Variants in CALN1 observed in about 807,000 individuals in gnomAD.
CALN1 encodes calcium-binding protein 8.
A neutral mutation model predicts 30.6 loss-of-function variants in CALN1; 17 were observed. That is an observed-to-expected ratio of 0.56 (90% CI 0.38 to 0.83). The LOEUF is 0.83. CALN1 is among the 40% of genes least tolerant of loss of function. CALN1 has a pLI of 0.00. For synonymous variants in CALN1, 156 were observed against 131.4 expected, an observed-to-expected ratio of 1.19 and a Z score of -1.28; for missense variants, 291 against 354.9, an observed-to-expected ratio of 0.82 and a Z score of 1.45.
At chr7:71,903,917 A>T (rs754248520) in intron 5 of CALN1, among the ~76,000 whole-genome samples, 5 of 152,192 alleles carry the variant, frequency 3.3e-5, no homozygotes, top group South Asian at 4.1e-4. Flanking sequence ...TCAAAATAAG[A>T]CATATGAATA....
intron 5 of CALN1, among the ~76,000 whole-genome samples, chr7:71,923,499 G>A (rs1314107388): frequency 6.6e-6 from 1 of 152,138 alleles, no homozygotes; most frequent in Admixed American, 6.5e-5. Context: ...GCAAGGTCCA[G>A]ACAGGAGTCT....
At chr7:72,482,625 T>C in the CALN1 span, among the ~76,000 whole-genome samples, 1 of 152,178 alleles carries the variant, frequency 6.6e-6, no homozygotes, top group Non-Finnish European at 1.5e-5. Context: ...ATAGTATTCT[T>C]CAATTTCTCC....
intron 3 of CALN1, among the ~76,000 whole-genome samples, chr7:72,199,072 C>T (rs1056678564): frequency 2.6e-5 from 4 of 152,100 alleles, no homozygotes; most frequent in Non-Finnish European, 5.9e-5. Flanking sequence ...GTCAGCAGTT[C>T]GAGATCAGCT....
intron 5 of CALN1, among the ~76,000 whole-genome samples, chr7:72,001,062 T>C (rs1799503691): frequency 6.6e-6 from 1 of 152,090 alleles, no homozygotes; most frequent in Non-Finnish European, 1.5e-5. Flanking sequence ...AGGAGTTGGG[T>C]GAATGGACTC....
At chr7:72,289,355 A>G (rs932124229) in intron 2 of CALN1, among the ~76,000 whole-genome samples, 1 of 152,222 alleles carries the variant, frequency 6.6e-6, no homozygotes, top group Non-Finnish European at 1.5e-5. Flanking sequence ...TGGGAGGCCA[A>G]TAACTATTTT....
intron 2 of CALN1, among the ~76,000 whole-genome samples, chr7:72,385,796 C>CA (rs1171483684): frequency 2.0e-5 from 3 of 152,172 alleles, no homozygotes; most frequent in African/African-American, 7.2e-5. Context: ...CTCCTGCTGC[C>CA]ATGTCAAGAA....
In CALN1 at chr7:72,205,570, A is replaced by G. The variant is rs1313483281; in HGVS notation, c.244+73116T>C. On this transcript the variant is annotated intron_variant, in intron 3 of 6. Transcript: ENST00000395275. Reference sequence around the variant, plus strand: ...AAAAAAAATATATATATATATATGTATATATATATATATATATTCAGGAGA... The same window carrying G: ...AAAAAAAATATATATATATATATGTGTATATATATATATATATTCAGGAGA... Among the ~76,000 whole-genome samples, 16 of 124,088 alleles carry G rather than the reference A, an allele frequency of 1.3e-4. 3 individuals carry two copies. Among genetic ancestry groups the G allele is most frequent in the Admixed American group, 4.2e-4 (5 of 11,840 alleles). The allele number at this position is 124,088 out of a possible 152,430, so 81.4% of individuals were successfully genotyped here.
intron 2 of CALN1, among the ~76,000 whole-genome samples, chr7:72,324,919 G>C (rs1230203100): frequency 6.6e-6 from 1 of 152,160 alleles, no homozygotes; most frequent in Non-Finnish European, 1.5e-5. Flanking sequence ...CCCTTTGAGG[G>C]TTCCAGGGAG....
chr7:72,411,783 A>G (rs568855184), intron 1 of CALN1, among the ~76,000 whole-genome samples: 3 of 151,406 alleles, frequency 2.0e-5, no homozygotes, highest in African/African-American at 4.9e-5. Flanking sequence ...GCTAAGGAAT[A>G]AAGTAATTAC....
At position 72,222,833 on chromosome 7, in the gene CALN1, C is replaced by A. The variant is rs111302020; in HGVS notation, c.244+55853G>T. Among the ~76,000 whole-genome samples, 1,153 of 151,702 alleles carry A rather than the reference C, an allele frequency of 7.6e-3. 10 individuals carry two copies. Among genetic ancestry groups the A allele is most frequent in the African/African-American group, 0.024 (1,005 of 41,480 alleles). On this transcript the variant is annotated intron_variant, in intron 3 of 6. Transcript: ENST00000395275. Reference sequence around the variant, plus strand: ...CCCAGGAGTTCAAGACAAGCCTGAGCAACATAGTGAGATCCTATCTTGATC... The same window carrying A: ...CCCAGGAGTTCAAGACAAGCCTGAGAAACATAGTGAGATCCTATCTTGATC...
At chr7:71,861,396 C>A (rs531718187) in intron 5 of CALN1, among the ~76,000 whole-genome samples, 1 of 152,062 alleles carries the variant, frequency 6.6e-6, no homozygotes, top group Non-Finnish European at 1.5e-5. Flanking sequence ...TTAATCCCTT[C>A]TGGTGTTATT....
intron 4 of CALN1, among the ~76,000 whole-genome samples, chr7:72,046,709 TAAAAAAAAAAAA>T (rs59664699): frequency 0.092 from 4,767 of 52,072 alleles, 405 homozygotes; most frequent in African/African-American, 0.3. Context: ...GACTCCCTCT[TAAAAAAAAAAAA>T]AAAAAAAAAA....
intron 5 of CALN1, among the ~76,000 whole-genome samples, chr7:71,826,900 A>G (rs1446439827): frequency 6.6e-6 from 1 of 152,154 alleles, no homozygotes; most frequent in Non-Finnish European, 1.5e-5. Context: ...CTGGTCTCCA[A>G]CTAGGTTGCT....
intron 5 of CALN1, among the ~76,000 whole-genome samples, chr7:71,836,540 C>G (rs1270351447): frequency 6.6e-6 from 1 of 152,044 alleles, no homozygotes; most frequent in Non-Finnish European, 1.5e-5. Flanking sequence ...TCCATGCTCT[C>G]TGCACATTCA....
At chr7:71,948,171 G>A (rs1289791292) in intron 5 of CALN1, among the ~76,000 whole-genome samples, 2 of 152,052 alleles carry the variant, frequency 1.3e-5, no homozygotes, top group East Asian at 1.9e-4. Flanking sequence ...ACTCACAATC[G>A]GTCTGGGGAA....
intron 5 of CALN1, among the ~76,000 whole-genome samples, chr7:71,906,068 A>G (rs1373659212): frequency 1.3e-5 from 2 of 152,202 alleles, no homozygotes; most frequent in Non-Finnish European, 2.9e-5. Flanking sequence ...CCCATGATTG[A>G]GTCACCTCCC....
intron 1 of CALN1, among the ~76,000 whole-genome samples, chr7:72,428,932 C>T (rs1214026368): frequency 6.6e-6 from 1 of 152,126 alleles, no homozygotes; most frequent in Non-Finnish European, 1.5e-5. Flanking sequence ...TCTGGTTGAC[C>T]CCCTAACTAC....
At chr7:71,818,514 TTTTG>T (rs947056819) in intron 5 of CALN1, among the ~76,000 whole-genome samples, 14 of 151,916 alleles carry the variant, frequency 9.2e-5, no homozygotes, top group Non-Finnish European at 1.9e-4. Flanking sequence ...CTTAATTGTA[TTTTG>T]TTTGTTTTTA....
chr7:71,798,079 CAGAGAGAGACAGAG>C (rs1787040027), intron 6 of CALN1, among the ~76,000 whole-genome samples: 1 of 93,758 alleles, frequency 1.1e-5, no homozygotes, highest in African/African-American at 4.7e-5. Context: ...GAGAGAGAGA[CAGAGAGAGACAGAG>C]AGAGAGACAG....
Sources: gnomAD v4.1 joint callset for allele counts (sites outside exome capture counted in the v4.1 genomes callset) on GRCh38, gnomAD v4.1.1 for gene constraint, MANE v1.5 for transcripts, NCBI Gene and HGNC (gene_info 2026-07-23, HGNC 2026-07-21) for gene names.